Variants in PTPRN2 observed in about 807,000 individuals in gnomAD.
PTPRN2 encodes the protein receptor-type tyrosine-protein phosphatase N2.
Under a neutral mutation model 118.8 loss-of-function variants are expected in PTPRN2, and 74 were observed. The observed-to-expected ratio is 0.62, with a 90% CI of 0.52 to 0.76. The LOEUF is 0.76. Ranked by LOEUF, PTPRN2 falls within the 30% of genes least tolerant of loss-of-function variation. The pLI is 0.00. For missense variants in PTPRN2, 1,481 were observed against 1,394.4 expected, an observed-to-expected ratio of 1.06 and a Z score of -0.99; for synonymous variants, 641 against 608.0, an observed-to-expected ratio of 1.05 and a Z score of -0.80.
intron 3 of PTPRN2, among the ~76,000 whole-genome samples, chr7:158,255,232 G>A (rs963924398): frequency 3.3e-5 from 5 of 152,186 alleles, no homozygotes; most frequent in South Asian, 2.1e-4. Context: ...GACTTCACGC[G>A]AGCACAGCTG....
At position 158,172,206 on chromosome 7, in the gene PTPRN2, G is replaced by A. The variant is rs143380022; in HGVS notation, c.550-4915C>T. ...ATCCTGTCAGTTCTGTGTAACTTGT[G>A]TAAGTTTGGACCAGTTATCTAACCT... is the stretch of plus-strand genomic sequence containing the variant. On this transcript the variant is annotated intron_variant, in intron 5 of 22. Transcript: ENST00000389418. Among the ~76,000 whole-genome samples the A allele has an allele frequency of 2.9e-3, 443 of 152,296 alleles. 2 individuals carry two copies. Among genetic ancestry groups the A allele is most frequent in the African/African-American group, 9.9e-3 (412 of 41,544 alleles).
chr7:158,047,456 AGGCCTGCCTGCAGTCACTGAGCGTGTG>A (rs1472405734), intron 11 of PTPRN2, among the ~76,000 whole-genome samples: 2 of 152,214 alleles, frequency 1.3e-5, no homozygotes, highest in African/African-American at 2.4e-5. Context: ...GTGCTGTGCG[AGGCCTGCCTGCAGTCACTGAGCGTGTG>A]AGGCCTGCCT....
intron 2 of PTPRN2, among the ~76,000 whole-genome samples, chr7:158,441,053 AGTGATGGG>A (rs1817045959): frequency 2.6e-5 from 1 of 38,564 alleles, no homozygotes; most frequent in Non-Finnish European, 6.0e-5. Flanking sequence ...TGATGGTGGT[AGTGATGGG>A]GGTGGTAGTG....
intron 5 of PTPRN2, among the ~76,000 whole-genome samples, chr7:158,187,451 C>T (rs974691576): frequency 6.6e-6 from 1 of 152,086 alleles, no homozygotes; most frequent in African/African-American, 2.4e-5. Context: ...GGGGAGAAGC[C>T]GGGGCCCAGA....
At chr7:158,240,871 T>G (rs1415984761) in intron 3 of PTPRN2, among the ~76,000 whole-genome samples, 1 of 152,246 alleles carries the variant, frequency 6.6e-6, no homozygotes, top group Admixed American at 6.5e-5. Flanking sequence ...ATTCTCAGTC[T>G]AAGGCCATCA....
intron 12 of PTPRN2, among the ~76,000 whole-genome samples, chr7:157,799,146 G>A (rs1805066139): frequency 1.3e-5 from 2 of 152,170 alleles, no homozygotes; most frequent in South Asian, 4.1e-4. Flanking sequence ...CATCGGGGTG[G>A]GGCCAGCAGG....
Position 158,083,750 on chromosome 7 carries a change from G to A in PTPRN2, c.1644-2373C>T, listed in dbSNP as rs536004630. The stretch of plus-strand genomic sequence containing the variant: ...ACATCTCGCAGGCGGTGAGCACCCA[G>A]TGACCATCGCCGTCAGGCCCAGCGA... On this transcript the variant is annotated intron_variant, in intron 10 of 22. Transcript: ENST00000389418. Among the ~76,000 whole-genome samples, 47 of 152,316 alleles carry A rather than the reference G, an allele frequency of 3.1e-4. No homozygotes were observed. In the East Asian group the frequency reaches 5.8e-3, roughly 19 times the overall value.
intron 2 of PTPRN2, among the ~76,000 whole-genome samples, chr7:158,482,913 G>C (rs1033252110): frequency 6.6e-6 from 1 of 152,172 alleles, no homozygotes; most frequent in African/African-American, 2.4e-5. Context: ...ACAGAAACCA[G>C]AATTCCCCCA....
intron 12 of PTPRN2, among the ~76,000 whole-genome samples, chr7:157,830,223 C>T (rs538459378): frequency 1.6e-4 from 24 of 152,204 alleles, no homozygotes; most frequent in African/African-American, 5.8e-4. Flanking sequence ...CCTGAATTCA[C>T]AGTCCTCATC....
At chr7:157,775,120 C>T (rs774178185) in intron 12 of PTPRN2, among the ~76,000 whole-genome samples, 74 of 152,180 alleles carry the variant, frequency 4.9e-4, no homozygotes, top group Non-Finnish European at 8.8e-4. Context: ...TTCATGAAAA[C>T]GCGAACAGTC....
intron 4 of PTPRN2, among the ~76,000 whole-genome samples, chr7:158,199,602 G>T (rs773132690): frequency 1.4e-4 from 22 of 152,238 alleles, no homozygotes; most frequent in Admixed American, 2.0e-4. Flanking sequence ...CAGCTACTAT[G>T]TCACTGGCCC....
intron 6 of PTPRN2, among the ~76,000 whole-genome samples, chr7:158,149,443 A>G (rs933471858): frequency 9.8e-6 from 1 of 102,496 alleles, no homozygotes. Flanking sequence ...TCAAGAGGTA[A>G]AAAAAAAAAA....
intron 1 of PTPRN2, among the ~76,000 whole-genome samples, chr7:158,536,570 G>A (rs527383338): frequency 2.2e-5 from 3 of 137,142 alleles, no homozygotes; most frequent in South Asian, 4.7e-4. Context: ...CACCATCACC[G>A]AGACGGGACT....
chr7:157,642,113 A>G (rs532647431), intron 14 of PTPRN2, among the ~76,000 whole-genome samples: 5 of 152,302 alleles, frequency 3.3e-5, no homozygotes, highest in Admixed American at 3.3e-4. Context: ...AAGGACAGAG[A>G]CGTCTTCTAG....
At chr7:158,134,586 A>G (rs895031146) in intron 8 of PTPRN2, among the ~76,000 whole-genome samples, 1 of 152,156 alleles carries the variant, frequency 6.6e-6, no homozygotes, top group Non-Finnish European at 1.5e-5. Flanking sequence ...ACCCCAGTTC[A>G]CAGAAGGGGA....
At chr7:157,667,637 GTAAC>G (rs1433699291) in intron 13 of PTPRN2, among the ~76,000 whole-genome samples, 2 of 152,222 alleles carry the variant, frequency 1.3e-5, no homozygotes, top group African/African-American at 2.4e-5. Flanking sequence ...TAAAACTAGA[GTAAC>G]TAGGCATTTT....
At position 157,551,253 on chromosome 7, in the gene PTPRN2, G is replaced by T. The variant is rs147061773; in HGVS notation, c.2903-2234C>A. On this transcript the variant is annotated intron_variant, in intron 21 of 22. Transcript: ENST00000389418. ...AATGCCCATATTGTCTGTTGCACCC[G>T]TGACTGTACCTTTGGTAGGAGCTGT... 4.7e-4 allele frequency among the ~76,000 whole-genome samples: 71 copies of T among 152,210 alleles called. No individual in the cohort carries two copies. The East Asian group carries it at 0.013, about 29-fold the overall frequency.
intron 12 of PTPRN2, among the ~76,000 whole-genome samples, chr7:157,890,666 A>G (rs186391662): frequency 6.6e-6 from 1 of 152,176 alleles, no homozygotes; most frequent in East Asian, 1.9e-4. Context: ...AAATAATAGG[A>G]CTTTAGACTT....
chr7:158,508,602 C>T (rs1047737141), intron 1 of PTPRN2, among the ~76,000 whole-genome samples: 11 of 151,112 alleles, frequency 7.3e-5, no homozygotes, highest in Admixed American at 4.6e-4. Flanking sequence ...CTGTGGGTGT[C>T]GGGGCAACGT....
Sources: allele counts gnomAD v4.1 joint callset (sites outside exome capture counted in the v4.1 genomes callset), GRCh38; gene constraint gnomAD v4.1.1; transcripts MANE v1.5; gene names NCBI Gene and HGNC (gene_info 2026-07-23, HGNC 2026-07-21).